The following EXOC6B variants were observed in gnomAD, a reference collection of about 807,000 sequenced individuals.
EXOC6B encodes the protein SEC15 homolog B.
EXOC6B carries 54 observed loss-of-function variants against 113.5 expected under a neutral mutation model. The observed-to-expected ratio is 0.48, with a 90% CI of 0.38 to 0.60. The LOEUF is 0.60. EXOC6B is among the 20% of genes least tolerant of loss of function. EXOC6B has a pLI of 0.00. For missense variants in EXOC6B, 797 were observed against 977.5 expected, an observed-to-expected ratio of 0.82 and a Z score of 2.46; for synonymous variants, 357 against 339.0, an observed-to-expected ratio of 1.05 and a Z score of -0.58.
intron 19 of EXOC6B, among the ~76,000 whole-genome samples, chr2:72,367,249 T>C (rs1014984301): frequency 4.6e-5 from 7 of 152,054 alleles, no homozygotes; most frequent in African/African-American, 1.7e-4. Context: ...TAAAGATGTA[T>C]ATTGTAAATC....
intron 6 of EXOC6B, among the ~76,000 whole-genome samples, chr2:72,614,482 T>A (rs1365137705): frequency 6.6e-6 from 1 of 152,126 alleles, no homozygotes; most frequent in Admixed American, 6.6e-5. Flanking sequence ...TAATCAGTGG[T>A]CCCCACCTCC....
intron 6 of EXOC6B, among the ~76,000 whole-genome samples, chr2:72,667,475 T>C (rs757484691): frequency 3.3e-5 from 5 of 152,320 alleles, no homozygotes; most frequent in South Asian, 2.1e-4. Context: ...CTTCAAACTA[T>C]ACTATAAGAC....
intron 18 of EXOC6B, among the ~76,000 whole-genome samples, chr2:72,410,585 T>C (rs2105219629): frequency 6.6e-6 from 1 of 152,272 alleles, no homozygotes; most frequent in Middle Eastern, 3.4e-3. Flanking sequence ...GTTAAATAGA[T>C]GAATATGGTA....
intron 18 of EXOC6B, among the ~76,000 whole-genome samples, chr2:72,386,417 G>T (rs1692031228): frequency 6.6e-6 from 1 of 152,176 alleles, no homozygotes; most frequent in Non-Finnish European, 1.5e-5. Flanking sequence ...AGACAAAGGG[G>T]AAAAGGTCTC....
chr2:72,744,979 A>G (rs1478189515), intron 1 of EXOC6B, among the ~76,000 whole-genome samples: 1 of 152,158 alleles, frequency 6.6e-6, no homozygotes, highest in Non-Finnish European at 1.5e-5. Context: ...TCTTTGGCCA[A>G]TCCAGTTAAT....
intron 6 of EXOC6B, among the ~76,000 whole-genome samples, 188 bp from the exon 7 acceptor site, chr2:72,575,856 T>G (rs973892328): frequency 2.6e-5 from 4 of 152,176 alleles, no homozygotes; most frequent in African/African-American, 9.6e-5. Context: ...GTATCAGATA[T>G]AAAACCATCA....
At chr2:72,325,732 C>T (rs1688091944) in intron 20 of EXOC6B, among the ~76,000 whole-genome samples, 1 of 151,928 alleles carries the variant, frequency 6.6e-6, no homozygotes. Context: ...GGACTTGACA[C>T]TTTAGACTGT....
intron 5 of EXOC6B, among the ~76,000 whole-genome samples, chr2:72,729,791 AC>A (rs1483784492): frequency 6.6e-6 from 1 of 152,112 alleles, no homozygotes; most frequent in Admixed American, 6.5e-5. Flanking sequence ...AACTAATAGT[AC>A]CTTCATATCT....
At chr2:72,478,249 G>T (rs1336124905) in intron 17 of EXOC6B, among the ~76,000 whole-genome samples, 3 of 152,178 alleles carry the variant, frequency 2.0e-5, no homozygotes, top group Non-Finnish European at 4.4e-5. Context: ...GTAAGAGAGT[G>T]AGGAAAATCT....
chr2:72,286,592 T>C (rs993607772), intron 20 of EXOC6B, among the ~76,000 whole-genome samples: 2 of 152,240 alleles, frequency 1.3e-5, no homozygotes, highest in African/African-American at 2.4e-5. Context: ...AGATATTTGT[T>C]CAAATCCATA....
chr2:72,811,084 G>C (rs1430284892), intron 1 of EXOC6B, among the ~76,000 whole-genome samples: 3 of 151,336 alleles, frequency 2.0e-5, no homozygotes, highest in Non-Finnish European at 4.4e-5. Flanking sequence ...TGTAATCCCA[G>C]CACTTTGGGA....
intron 2 of EXOC6B, 39 bp downstream of exon 2, chr2:72,741,265 C>G (rs200605739): frequency 6.3e-7 from 1 of 1,584,942 alleles, no homozygotes; most frequent in South Asian, 1.2e-5. Context: ...AAAACCCCAA[C>G]ACAGGACGGA....
At position 72,247,736 on chromosome 2, in the gene EXOC6B, A is replaced by G. The variant is rs1421362560; in HGVS notation, c.2197-63549T>C. 8.5e-5 allele frequency among the ~76,000 whole-genome samples: 13 copies of G among 152,318 alleles called. No homozygotes were observed. The East Asian group carries it at 2.1e-3, about 25-fold the overall frequency. ...AATGGGAAATTTGCAAATTTTTTAGAATATGATGATTGGTCCACAGATGAC... is the reference window on the plus strand; with the variant it reads ...AATGGGAAATTTGCAAATTTTTTAGGATATGATGATTGGTCCACAGATGAC... On this transcript the variant is annotated intron_variant, in intron 20 of 21. Coordinates refer to ENST00000272427, the MANE Select transcript of EXOC6B (RefSeq NM_015189.3).
At chr2:72,484,566 CAAA>C (rs1163864913) in intron 16 of EXOC6B, among the ~76,000 whole-genome samples, 3 of 52,630 alleles carry the variant, frequency 5.7e-5, no homozygotes, top group Non-Finnish European at 3.9e-5. Flanking sequence ...GACTCCGTCA[CAAA>C]AAAAAAAAAA....
At chr2:72,208,565 T>C (rs1679974647) in intron 20 of EXOC6B, among the ~76,000 whole-genome samples, 1 of 152,172 alleles carries the variant, frequency 6.6e-6, no homozygotes, top group Non-Finnish European at 1.5e-5. Flanking sequence ...GTGTGCCTTT[T>C]TGGTAGAATG....
rs58303616 is a variant in EXOC6B, at chr2:72,292,172, AGTGTGTGTGT to A, written c.2196+42765_2196+42774del. ...GTGGTGGCAGGAGGATCCAGAAGTA[AGTGTGTGTGT>A]GTGTGTGTGTGTGTGTGTGTGTGTG... On this transcript the variant is annotated intron_variant, in intron 20 of 21. Transcript: ENST00000272427. Among the ~76,000 whole-genome samples the A allele has an allele frequency of 3.9e-4, 55 of 139,398 alleles. 1 individual carries two copies. Among genetic ancestry groups the A allele is most frequent in the African/African-American group, 1.1e-3 (41 of 38,088 alleles). The allele number at this position is 139,398 out of a possible 152,430, so 91.5% of individuals were successfully genotyped here.
intron 1 of EXOC6B, among the ~76,000 whole-genome samples, chr2:72,757,649 C>T (rs1445949132): frequency 6.6e-6 from 1 of 152,194 alleles, no homozygotes; most frequent in African/African-American, 2.4e-5. Flanking sequence ...CCCTAGGTTG[C>T]AAGCCTTTGC....
chr2:72,549,517 T>C (rs530998553), intron 8 of EXOC6B, among the ~76,000 whole-genome samples: 3 of 152,276 alleles, frequency 2.0e-5, no homozygotes, highest in South Asian at 2.1e-4. Context: ...GGTGACTACA[T>C]AGATGATACT....
intron 19 of EXOC6B, among the ~76,000 whole-genome samples, chr2:72,363,319 C>G (rs142529132): frequency 2.0e-5 from 3 of 151,978 alleles, no homozygotes; most frequent in African/African-American, 7.2e-5. Flanking sequence ...TATAATGGCA[C>G]CCTAAGCAGT....
Sources: allele counts gnomAD v4.1 joint callset (sites outside exome capture counted in the v4.1 genomes callset), GRCh38; gene constraint gnomAD v4.1.1; transcripts MANE v1.5; gene names NCBI Gene and HGNC (gene_info 2026-07-23, HGNC 2026-07-21).